Variants in CCNT2 observed in about 807,000 individuals in gnomAD.
CCNT2 encodes cyclin T2.
Under a neutral mutation model 70.0 loss-of-function variants are expected in CCNT2, and 18 were observed. The observed-to-expected ratio is 0.26, with a 90% CI of 0.18 to 0.38. The LOEUF is 0.38. CCNT2 is among the 10% of genes least tolerant of loss of function. The pLI, the probability that CCNT2 is intolerant of heterozygous loss-of-function variation, is 1.00. For missense variants in CCNT2, 734 were observed against 890.2 expected (o/e 0.82, Z 2.23); for synonymous variants, 334 against 313.3 (o/e 1.07, Z -0.70).
At chr2:134,951,221 A>T (rs1682474307) in intron 7 of CCNT2, among the ~76,000 whole-genome samples, 1 of 152,072 alleles carries the variant, frequency 6.6e-6, no homozygotes, top group Non-Finnish European at 1.5e-5. Flanking sequence ...CGATCTTAAC[A>T]TTGGCTTAGA....
In CCNT2 at chr2:134,918,929, C is replaced by T. The variant is rs1238288399; in HGVS notation, c.75C>T (p.Arg25=). 4 of 1,613,998 alleles carry T rather than the reference C, an allele frequency of 2.5e-6. No homozygotes were observed. Among genetic ancestry groups the T allele is most frequent in the Admixed American group, 1.7e-5 (1 of 60,008 alleles). ...REQLENTPSR[R]CGVEADKELS... ...AGCTGGAGAACACGCCGAGCCGCCG[C>T]TGCGGAGTGGAGGCGGATAAAGAGC... Residue 25 remains arginine, a synonymous_variant, in exon 1 of 9, where the codon CGC becomes CGT. Transcript: ENST00000264157.
intron 2 of CCNT2, among the ~76,000 whole-genome samples, chr2:134,921,709 G>A (rs1679922617): frequency 6.6e-6 from 1 of 152,128 alleles, no homozygotes; most frequent in African/African-American, 2.4e-5. Context: ...GGCGTGGTTG[G>A]CGTGCTTTAC....
intron 4 of CCNT2, among the ~76,000 whole-genome samples, chr2:134,941,198 G>T (rs923298520): frequency 6.6e-6 from 1 of 152,160 alleles, no homozygotes; most frequent in Non-Finnish European, 1.5e-5. Context: ...TACACCAGGT[G>T]TTGCCTGCCT....
chr2:134,947,098 A>G (rs1277582151), intron 6 of CCNT2, among the ~76,000 whole-genome samples: 2 of 152,228 alleles, frequency 1.3e-5, no homozygotes, highest in Non-Finnish European at 2.9e-5. Context: ...TTCATGCCCC[A>G]TATTTGGCAT....
At chr2:134,934,608 G>T (rs1267674046) in intron 2 of CCNT2, among the ~76,000 whole-genome samples, 2 of 152,168 alleles carry the variant, frequency 1.3e-5, no homozygotes. Flanking sequence ...CTAAAAAGGT[G>T]TTTTGTTTTG....
intron 5 of CCNT2, chr2:134,943,626 T>G (rs1369451629): frequency 1.0e-6 from 1 of 982,366 alleles, no homozygotes; most frequent in African/African-American, 1.7e-5. Flanking sequence ...CTTTACTGCT[T>G]GTAAAGTATC....
intron 7 of CCNT2, among the ~76,000 whole-genome samples, chr2:134,951,526 A>C (rs944488361): frequency 1.3e-5 from 2 of 152,050 alleles, no homozygotes; most frequent in African/African-American, 4.8e-5. Flanking sequence ...GCTAGGAAGT[A>C]TATTTGGAGG....
intron 7 of CCNT2, among the ~76,000 whole-genome samples, chr2:134,951,394 ATTAG>A (rs1482655898): frequency 6.6e-6 from 1 of 152,184 alleles, no homozygotes; most frequent in Non-Finnish European, 1.5e-5. Flanking sequence ...TAATGACATT[ATTAG>A]TTCATCAAAA....
chr2:134,952,622 A>C lies in CCNT2; in HGVS notation c.704-19A>C. On this transcript the variant is annotated intron_variant, in intron 7 of 8. Transcript: ENST00000264157. ...CCTAAAGGCACCTTCTAAGTTTCAAATTTAAATTTTATTTTTAGAGCTAAC... is the reference window on the plus strand; with the variant it reads ...CCTAAAGGCACCTTCTAAGTTTCAACTTTAAATTTTATTTTTAGAGCTAAC... 1 of 1,517,574 alleles carries C rather than the reference A, an allele frequency of 6.6e-7. No homozygotes were observed. The highest frequency in any genetic ancestry group is 9.0e-7 in the Non-Finnish European group (1 of 1,111,810). 94.0% of individuals were successfully genotyped at this position (1,517,574 alleles called of 1,614,324 possible). A position where few individuals can be genotyped will look rare whatever the true frequency, so the allele number is the denominator to read the frequency against.
At chr2:134,929,839 C>G (rs1339190421) in intron 2 of CCNT2, among the ~76,000 whole-genome samples, 1 of 151,534 alleles carries the variant, frequency 6.6e-6, no homozygotes, top group African/African-American at 2.4e-5. Context: ...TTAGTAATGG[C>G]AGGGTTTTAC....
At chr2:134,943,538 T>C in intron 5 of CCNT2, 5 of 985,148 alleles carry the variant, frequency 5.1e-6, no homozygotes, top group Non-Finnish European at 6.0e-6. Context: ...GAAATAATTA[T>C]AGAGCATAAT....
At position 134,953,649 on chromosome 2, in the gene CCNT2, C is replaced by A. The variant is rs1315243987; in HGVS notation, c.1194C>A (p.Asp398Glu). ...SLHSGLHHRP[D>E]KISDHSSVKQ... ...ATTCAGGATTACATCACAGACCTGA[C>A]AAAATTTCAGATCATTCTTCTGTTA... Residue 398 changes from aspartate (D) to glutamate (E), a missense_variant, in exon 9 of 9, where the codon GAC becomes GAA. Transcript: ENST00000264157. 1 of 1,614,050 alleles carries A rather than the reference C, an allele frequency of 6.2e-7. No homozygotes were observed.
chr2:134,919,794 A>G lies in CCNT2; in HGVS notation c.159-16A>G, dbSNP rs763212794. 1.9e-6 allele frequency: 3 copies of G among 1,589,920 alleles called. No individual in the cohort carries two copies. Among genetic ancestry groups the G allele is most frequent in the South Asian group, 1.1e-5 (1 of 88,880 alleles). ...ATCTTGCTTTTGTCAGATATTTCCT[A>G]AATATTACGTTCCAGCTCTCAGCTT... On this transcript the variant is annotated splice_polypyrimidine_tract_variant and intron_variant, in intron 1 of 8. Coordinates refer to ENST00000264157, the MANE Select transcript of CCNT2 (RefSeq NM_058241.3).
At chr2:134,936,387 T>C (rs539230339) in intron 2 of CCNT2, among the ~76,000 whole-genome samples, 20 of 152,256 alleles carry the variant, frequency 1.3e-4, no homozygotes, top group African/African-American at 4.6e-4. Context: ...ACATCAATCT[T>C]GTCATAGCCC....
chr2:134,944,408 T>C, intron 5 of CCNT2: 1 of 967,264 alleles, frequency 1.0e-6, no homozygotes, highest in Non-Finnish European at 1.2e-6. Flanking sequence ...GGAAATTGGA[T>C]TTTCAGGTTA....
Position 134,953,483 on chromosome 2 carries a change from A to T in CCNT2, c.1028A>T (p.Tyr343Phe). 6.2e-7 allele frequency: 1 copy of T among 1,614,194 alleles called. No individual in the cohort carries two copies. Among genetic ancestry groups the T allele is most frequent in the Non-Finnish European group, 8.5e-7 (1 of 1,180,024 alleles). Residue 343 changes from tyrosine to phenylalanine, a missense_variant, in exon 9 of 9, where the codon TAC (tyrosine) becomes TTC (phenylalanine). This residue lies in a region of CCNT2 where 532 missense variants were observed against 556.9 expected (regional missense o/e 0.96). Transcript: ENST00000264157. ...GCAACAGGAATGCCAAGTACTTCAT[A>T]CGGTTTATCATCACACCAGGAATGG... ...MLATGMPSTS[Y>F]GLSSHQEWPQ...
At chr2:134,933,932 A>G (rs942792720) in intron 2 of CCNT2, among the ~76,000 whole-genome samples, 20 of 152,182 alleles carry the variant, frequency 1.3e-4, no homozygotes, top group African/African-American at 4.6e-4. Flanking sequence ...TGAGCCACAA[A>G]GAGAATAAGT....
At chr2:134,941,606 G>T in intron 4 of CCNT2, among the ~76,000 whole-genome samples, 1 of 151,342 alleles carries the variant, frequency 6.6e-6, no homozygotes, top group African/African-American at 2.4e-5. Context: ...AAAAAGTGAG[G>T]GTCTTATTTC....
At chr2:134,950,016 G>C (rs1000159317) in intron 7 of CCNT2, among the ~76,000 whole-genome samples, 1 of 152,108 alleles carries the variant, frequency 6.6e-6, no homozygotes, top group Non-Finnish European at 1.5e-5. Context: ...GGCTGGTCTT[G>C]AACTCCTGAC....
Sources: allele counts gnomAD v4.1 joint callset (sites outside exome capture counted in the v4.1 genomes callset), GRCh38; gene constraint gnomAD v4.1.1; regional missense constraint gnomAD v4.1.1; transcripts MANE v1.5; gene names NCBI Gene and HGNC (gene_info 2026-07-23, HGNC 2026-07-21).